The following PCDH15 variants were observed in gnomAD, a reference collection of about 807,000 sequenced individuals.
PCDH15 encodes protocadherin related 15.
A neutral mutation model predicts 178.5 loss-of-function variants in PCDH15; 129 were observed. That is an observed-to-expected ratio of 0.72 (90% CI 0.63 to 0.84). The LOEUF (loss-of-function observed/expected upper bound fraction) is 0.84. Among genes scored for constraint, PCDH15 ranks in the 40% least tolerant of loss-of-function variants. The pLI, the probability that PCDH15 is intolerant of heterozygous loss-of-function variation, is 0.00. For synonymous variants in PCDH15, 800 were observed against 732.0 expected (o/e 1.09, Z -1.50); for missense variants, 2,230 against 2,099.9 (o/e 1.06, Z -1.21).
chr10:55,518,674 A>C (rs1305737325), intron 2 of PCDH15, among the ~76,000 whole-genome samples: 3 of 151,966 alleles, frequency 2.0e-5, no homozygotes, highest in Admixed American at 6.6e-5. Context: ...GACTCAGGGG[A>C]TATGCCTGCA....
At chr10:55,211,019 G>A (rs550564295) in intron 1 of PCDH15, among the ~76,000 whole-genome samples, 1 of 152,094 alleles carries the variant, frequency 6.6e-6, no homozygotes, top group East Asian at 1.9e-4. Flanking sequence ...TAACTAATCA[G>A]AACATATTGA....
At chr10:54,523,077 A>G (rs796163302) in intron 3 of PCDH15, among the ~76,000 whole-genome samples, 10 of 152,302 alleles carry the variant, frequency 6.6e-5, no homozygotes, top group African/African-American at 1.9e-4. Context: ...ATAGTTTCCA[A>G]TGTGTCCTGA....
intron 2 of PCDH15, among the ~76,000 whole-genome samples, chr10:55,079,928 G>T (rs1017143272): frequency 6.6e-6 from 1 of 152,070 alleles, no homozygotes; most frequent in African/African-American, 2.4e-5. Flanking sequence ...TTGATCTCAG[G>T]CCCCAGGTAG....
At chr10:54,997,513 C>A (rs569026782) in intron 2 of PCDH15, among the ~76,000 whole-genome samples, 1 of 152,196 alleles carries the variant, frequency 6.6e-6, no homozygotes, top group Non-Finnish European at 1.5e-5. Context: ...TTTGTCTTTG[C>A]TAGATATTTT....
intron 1 of PCDH15, among the ~76,000 whole-genome samples, chr10:54,705,609 C>T (rs1476433427): frequency 6.6e-6 from 1 of 152,090 alleles, no homozygotes; most frequent in Non-Finnish European, 1.5e-5. Context: ...GACCATAGCA[C>T]CACTATTATC....
At chr10:54,975,240 C>T (rs1360137718) in intron 2 of PCDH15, among the ~76,000 whole-genome samples, 1 of 152,082 alleles carries the variant, frequency 6.6e-6, no homozygotes, top group Non-Finnish European at 1.5e-5. Context: ...CATTAGGTGC[C>T]TATAGCAGAT....
intron 3 of PCDH15, among the ~76,000 whole-genome samples, chr10:54,473,514 T>C (rs1265302865): frequency 6.6e-6 from 1 of 152,146 alleles, no homozygotes; most frequent in Admixed American, 6.6e-5. Flanking sequence ...AAGATTTTCC[T>C]ACTTAACTTC....
intron 2 of PCDH15, among the ~76,000 whole-genome samples, chr10:54,979,237 T>C (rs527310557): frequency 7.2e-5 from 11 of 152,332 alleles, no homozygotes; most frequent in African/African-American, 2.6e-4. Context: ...GAATGGATAG[T>C]TGAAATAGAA....
intron 2 of PCDH15, among the ~76,000 whole-genome samples, chr10:55,421,366 A>G (rs1838617333): frequency 1.3e-5 from 2 of 150,296 alleles, no homozygotes; most frequent in Non-Finnish European, 3.0e-5. Context: ...TTTTAACAAA[A>G]GTAGAAAAAT....
At chr10:54,873,118 T>A (rs1245752842) in intron 3 of PCDH15, among the ~76,000 whole-genome samples, 2 of 152,168 alleles carry the variant, frequency 1.3e-5, no homozygotes, top group Admixed American at 6.6e-5. Context: ...ACCTTTTTGG[T>A]GTTATAAGTG....
At chr10:54,000,432 G>C (rs1441138982) in intron 20 of PCDH15, among the ~76,000 whole-genome samples, 1 of 152,016 alleles carries the variant, frequency 6.6e-6, no homozygotes, top group Non-Finnish European at 1.5e-5. Context: ...AAAAATTCAA[G>C]ATAACACAGA....
chr10:54,665,991 T>C (rs61855881), intron 1 of PCDH15, among the ~76,000 whole-genome samples: 2,595 of 152,218 alleles, frequency 0.017, 26 homozygotes, highest in Admixed American at 0.025. Context: ...TTACTAGTTA[T>C]ATGACTTTGA....
At chr10:55,138,032 A>G in intron 2 of PCDH15, among the ~76,000 whole-genome samples, 1 of 152,118 alleles carries the variant, frequency 6.6e-6, no homozygotes, top group Non-Finnish European at 1.5e-5. Context: ...ACTTTTCTAG[A>G]TGCAGGTAAG....
chr10:53,972,057 CA>C (rs1448811322), intron 21 of PCDH15, among the ~76,000 whole-genome samples: 2 of 152,026 alleles, frequency 1.3e-5, no homozygotes, highest in Non-Finnish European at 2.9e-5. Flanking sequence ...CTACAGTAAC[CA>C]AAAACAGCAT....
At chr10:54,211,234 G>C (rs1469291546) in intron 10 of PCDH15, among the ~76,000 whole-genome samples, 1 of 142,400 alleles carries the variant, frequency 7.0e-6, no homozygotes. Context: ...ATCCAAACTG[G>C]GACATTTAAA....
chr10:54,531,967 C>A (rs974828314), intron 2 of PCDH15, among the ~76,000 whole-genome samples: 4 of 152,254 alleles, frequency 2.6e-5, no homozygotes, highest in Middle Eastern at 3.4e-3. Context: ...TTTCATTTTA[C>A]CCATGTTTCT....
intron 1 of PCDH15, among the ~76,000 whole-genome samples, chr10:55,216,836 T>C (rs576675796): frequency 2.4e-4 from 36 of 152,002 alleles, no homozygotes; most frequent in Middle Eastern, 3.4e-3. Flanking sequence ...TTCCGTCAGG[T>C]TGTCACATAT....
intron 2 of PCDH15, among the ~76,000 whole-genome samples, chr10:54,649,922 C>T (rs569076103): frequency 3.3e-5 from 5 of 152,210 alleles, no homozygotes; most frequent in East Asian, 1.9e-4. Context: ...TTCTAGCTGA[C>T]GCATTTTATG....
At chr10:54,721,474 G>T (rs1941588240) in intron 1 of PCDH15, among the ~76,000 whole-genome samples, 1 of 151,852 alleles carries the variant, frequency 6.6e-6, no homozygotes, top group Non-Finnish European at 1.5e-5. Flanking sequence ...TTGACAGACT[G>T]CTAGTTAAAT....
Sources: allele counts gnomAD v4.1 joint callset (sites outside exome capture counted in the v4.1 genomes callset), GRCh38; gene constraint gnomAD v4.1.1; transcripts MANE v1.5; gene names NCBI Gene and HGNC (gene_info 2026-07-23, HGNC 2026-07-21).